The following ADAMTS6 variants were observed in gnomAD, a reference collection of about 807,000 sequenced individuals.
The protein encoded by ADAMTS6 is ADAM metallopeptidase with thrombospondin type 1 motif 6, also known as A disintegrin and metalloproteinase with thrombospondin motifs 6.
A neutral mutation model predicts 144.3 loss-of-function variants in ADAMTS6; 23 were observed. The observed-to-expected ratio is 0.16, with a 90% CI of 0.11 to 0.23. ADAMTS6 has a LOEUF of 0.23. Ranked by LOEUF, ADAMTS6 falls within the 10% of genes least tolerant of loss-of-function variation. ADAMTS6 has a pLI of 1.00. For missense variants in ADAMTS6, 999 were observed against 1,379.6 expected (o/e 0.72, Z 4.37); for synonymous variants, 444 against 457.5 (o/e 0.97, Z 0.38).
At chr5:65,342,711 G>A (rs1747962939) in intron 7 of ADAMTS6, among the ~76,000 whole-genome samples, 1 of 152,054 alleles carries the variant, frequency 6.6e-6, no homozygotes, top group South Asian at 2.1e-4. Context: ...GAACAATAAA[G>A]CAAGAAAGGG....
In ADAMTS6 at chr5:65,188,208, C is replaced by T. The variant is rs1217760151; in HGVS notation, c.2718G>A (p.Gly906=). 2 of 1,613,682 alleles carry T rather than the reference C, an allele frequency of 1.2e-6. No homozygotes were observed. The highest frequency in any genetic ancestry group is 2.7e-5 in the African/African-American group (2 of 74,900). ...TEPCPPEWFI[G]DWLECSKTCD... is the part of the protein sequence containing the mutation. Reference sequence around the variant, plus strand: ...AAGTCTTGCTGCATTCCAACCAATCCCCAATGAACCACCTGCAGCAAGACA... The same window carrying T: ...AAGTCTTGCTGCATTCCAACCAATCTCCAATGAACCACCTGCAGCAAGACA... Residue 906 remains glycine, a synonymous_variant, in exon 22 of 25, where the codon GGG becomes GGA. Coordinates refer to ENST00000381055, the MANE Select transcript of ADAMTS6 (RefSeq NM_197941.4).
At chr5:65,480,555 A>T (rs2150297732) in intron 1 of ADAMTS6, among the ~76,000 whole-genome samples, 1 of 152,272 alleles carries the variant, frequency 6.6e-6, no homozygotes, top group East Asian at 1.9e-4. Flanking sequence ...GCGCTTTCTC[A>T]ATCTCTCGCT....
At chr5:65,293,112 G>C (rs944012451) in intron 10 of ADAMTS6, among the ~76,000 whole-genome samples, 1 of 152,040 alleles carries the variant, frequency 6.6e-6, no homozygotes, top group African/African-American at 2.4e-5. Flanking sequence ...ATGACAAAGA[G>C]GTCATATTTG....
At chr5:65,174,271 C>T (rs552813237) in intron 22 of ADAMTS6, among the ~76,000 whole-genome samples, 102 of 152,268 alleles carry the variant, frequency 6.7e-4, no homozygotes, top group Non-Finnish European at 1.1e-3. Context: ...GGGTTTTGCC[C>T]GTGGCTTGTT....
At chr5:65,288,293 CTTTTTTCT>C (rs1003344753) in intron 11 of ADAMTS6, among the ~76,000 whole-genome samples, 18 of 147,600 alleles carry the variant, frequency 1.2e-4, no homozygotes, top group Admixed American at 4.8e-4. Context: ...CTTTTTTTTT[CTTTTTTCT>C]TTTTTTCTTT....
At chr5:65,472,338 T>C (rs1458969272) in intron 2 of ADAMTS6, among the ~76,000 whole-genome samples, 1 of 152,084 alleles carries the variant, frequency 6.6e-6, no homozygotes, top group Non-Finnish European at 1.5e-5. Flanking sequence ...TTTGGAGTGA[T>C]GAAAATGTTC....
intron 9 of ADAMTS6, among the ~76,000 whole-genome samples, chr5:65,319,696 AAGGGAGGG>A (rs1278319273): frequency 5.7e-5 from 3 of 52,790 alleles, no homozygotes; most frequent in African/African-American, 2.1e-4. Flanking sequence ...GGAAGGAAGG[AAGGGAGGG>A]AGGGAGGGAG....
At chr5:65,267,348 T>C (rs1381171849) in intron 12 of ADAMTS6, among the ~76,000 whole-genome samples, 1 of 152,114 alleles carries the variant, frequency 6.6e-6, no homozygotes, top group African/African-American at 2.4e-5. Flanking sequence ...AATTTGGCCT[T>C]CTTCTTGCTA....
At chr5:65,369,164 G>T (rs1750595212) in intron 7 of ADAMTS6, among the ~76,000 whole-genome samples, 1 of 152,182 alleles carries the variant, frequency 6.6e-6, no homozygotes, top group South Asian at 2.1e-4. Flanking sequence ...AAGCTGCAGT[G>T]AGCTATGATC....
chr5:65,415,073 T>C (rs1204711408), intron 7 of ADAMTS6, among the ~76,000 whole-genome samples: 1 of 152,174 alleles, frequency 6.6e-6, no homozygotes, highest in Non-Finnish European at 1.5e-5. Context: ...GAAAAATATT[T>C]GCGAATCATA....
At chr5:65,312,440 A>T (rs1349491468) in intron 9 of ADAMTS6, among the ~76,000 whole-genome samples, 1 of 152,046 alleles carries the variant, frequency 6.6e-6, no homozygotes, top group Non-Finnish European at 1.5e-5. Flanking sequence ...CTATACCCAC[A>T]TCTGGCAAAC....
At chr5:65,201,982 C>T (rs185920713) in intron 20 of ADAMTS6, among the ~76,000 whole-genome samples, 14 of 152,280 alleles carry the variant, frequency 9.2e-5, no homozygotes, top group South Asian at 2.1e-4. Flanking sequence ...AATGTCTCTC[C>T]GCTCTGCCTT....
intron 7 of ADAMTS6, among the ~76,000 whole-genome samples, chr5:65,398,862 A>AAG (rs1561502159): frequency 1.1e-4 from 17 of 151,432 alleles, no homozygotes; most frequent in South Asian, 8.4e-4. Flanking sequence ...AAGAAAGAGA[A>AAG]AGAAAGAAAG....
At chr5:65,293,252 T>C (rs1180837338) in intron 10 of ADAMTS6, among the ~76,000 whole-genome samples, 1 of 151,984 alleles carries the variant, frequency 6.6e-6, no homozygotes, top group Non-Finnish European at 1.5e-5. Context: ...ATAAATATCT[T>C]TATGAAAGGA....
intron 20 of ADAMTS6, among the ~76,000 whole-genome samples, chr5:65,205,551 T>C (rs1449040761): frequency 6.6e-6 from 1 of 152,218 alleles, no homozygotes. Context: ...GGACTTACTA[T>C]ACTTTTAAGT....
chr5:65,338,336 TA>T (rs1369973554), intron 7 of ADAMTS6, among the ~76,000 whole-genome samples: 1 of 152,254 alleles, frequency 6.6e-6, no homozygotes, highest in Non-Finnish European at 1.5e-5. Flanking sequence ...TCTTTTACCC[TA>T]AATTCATAAT....
chr5:65,280,847 C>G (rs1762931605), intron 11 of ADAMTS6, among the ~76,000 whole-genome samples: 1 of 152,068 alleles, frequency 6.6e-6, no homozygotes, highest in South Asian at 2.1e-4. Context: ...TGCAGGACAA[C>G]CTAGAGGAGA....
chr5:65,353,864 C>CA (rs1357669245), intron 7 of ADAMTS6, among the ~76,000 whole-genome samples: 2 of 151,626 alleles, frequency 1.3e-5, no homozygotes, highest in Non-Finnish European at 3.0e-5. Context: ...AAAATATATG[C>CA]AAAAAAACCC....
intron 7 of ADAMTS6, among the ~76,000 whole-genome samples, chr5:65,384,720 A>G (rs1752345188): frequency 6.6e-6 from 1 of 152,038 alleles, no homozygotes; most frequent in South Asian, 2.1e-4. Context: ...AAAACTTCCA[A>G]CCTCTACCCA....
Sources: allele counts gnomAD v4.1 joint callset (sites outside exome capture counted in the v4.1 genomes callset), GRCh38; gene constraint gnomAD v4.1.1; transcripts MANE v1.5; gene names NCBI Gene and HGNC (gene_info 2026-07-23, HGNC 2026-07-21).